ATRN: variants seen among roughly 807,000 people sequenced by gnomAD.
ATRN encodes attractin-2.
In ATRN, 54 loss-of-function variants were observed where a neutral mutation model predicts 178.7. The observed-to-expected ratio is 0.30, with a 90% CI of 0.24 to 0.38. The LOEUF (loss-of-function observed/expected upper bound fraction) is 0.38, where lower values mean the gene tolerates loss of function less well. ATRN is among the 10% of genes least tolerant of loss of function. ATRN has a pLI of 1.00. For missense variants in ATRN, 1,443 were observed against 1,815.1 expected (o/e 0.79, Z 3.73); for synonymous variants, 636 against 663.0 (o/e 0.96, Z 0.63).
chr20:3,571,709 G>A (rs949179337), intron 11 of ATRN, among the ~76,000 whole-genome samples: 10 of 151,974 alleles, frequency 6.6e-5, no homozygotes, highest in Admixed American at 2.6e-4. Context: ...CTGAAGCCCC[G>A]CTCTATGTTA....
At chr20:3,608,703 G>A (rs765680197) in intron 24 of ATRN, among the ~76,000 whole-genome samples, 7 of 152,050 alleles carry the variant, frequency 4.6e-5, no homozygotes, top group East Asian at 1.9e-4. Context: ...ACAGCAGCTC[G>A]TGCCTATAAT....
Position 3,516,716 on chromosome 20 carries a change from G to A in ATRN, c.411-18537G>A, listed in dbSNP as rs917559756. ...TTCTCTTGAGCCAGCCTGCTGCGGG[G>A]CCCTACAGAAAACTGTAGGATCTGG... On this transcript the variant is annotated intron_variant, in intron 1 of 28. Coordinates refer to ENST00000262919, the MANE Select transcript of ATRN (RefSeq NM_139321.3). 3.3e-5 allele frequency among the ~76,000 whole-genome samples: 5 copies of A among 152,204 alleles called. No homozygotes were observed. The East Asian group carries it at 5.8e-4, about 18-fold the overall frequency.
intron 1 of ATRN, among the ~76,000 whole-genome samples, chr20:3,515,964 G>T (rs1205074190): frequency 3.9e-5 from 6 of 152,172 alleles, no homozygotes; most frequent in African/African-American, 1.4e-4. Flanking sequence ...CTCCTCATTA[G>T]TTATTCTTTC....
intron 24 of ATRN, among the ~76,000 whole-genome samples, chr20:3,619,371 C>G (rs1355398609): frequency 6.6e-6 from 1 of 152,238 alleles, no homozygotes; most frequent in Non-Finnish European, 1.5e-5. Flanking sequence ...AAAGGAAACT[C>G]TGGTATTGAC....
At chr20:3,549,053 A>T in intron 5 of ATRN, 117 bp from the exon 6 acceptor site, 1 of 873,020 alleles carries the variant, frequency 1.1e-6, no homozygotes, top group Non-Finnish European at 1.7e-6. Context: ...TCTGATATTT[A>T]AATGCTAAAG....
chr20:3,565,613 A>G (rs926339641), intron 11 of ATRN, among the ~76,000 whole-genome samples, 181 bp downstream of exon 11: 17 of 152,098 alleles, frequency 1.1e-4, no homozygotes, highest in African/African-American at 3.9e-4. Context: ...TAAAAGTACA[A>G]AAATTAGCTG....
intron 24 of ATRN, among the ~76,000 whole-genome samples, chr20:3,613,538 G>C (rs114738714): frequency 2.8e-3 from 430 of 152,270 alleles, no homozygotes; most frequent in African/African-American, 9.8e-3. Context: ...TTTAGCAACT[G>C]TGCAAATTCA....
intron 24 of ATRN, among the ~76,000 whole-genome samples, chr20:3,618,604 T>C (rs1165780985): frequency 1.3e-5 from 2 of 152,114 alleles, no homozygotes; most frequent in Non-Finnish European, 2.9e-5. Context: ...AGAGCAGTAT[T>C]GAGGTGGGAG....
chr20:3,588,981 G>GTTTTTTTTT (rs386393128), intron 18 of ATRN, among the ~76,000 whole-genome samples: 26 of 99,792 alleles, frequency 2.6e-4, no homozygotes, highest in Non-Finnish European at 3.5e-4. Flanking sequence ...ATTTTCTTTT[G>GTTTTTTTTT]TTTTTTTTTT....
At chr20:3,591,400 T>TG in intron 19 of ATRN, 94 bp downstream of exon 19, 1 of 1,403,588 alleles carries the variant, frequency 7.1e-7, no homozygotes, top group East Asian at 2.4e-5. Context: ...AAAGCCACTT[T>TG]GTTTTGGATA....
At chr20:3,595,360 C>G (rs1216880362) in intron 20 of ATRN, among the ~76,000 whole-genome samples, 3 of 152,208 alleles carry the variant, frequency 2.0e-5, no homozygotes, top group Non-Finnish European at 4.4e-5. Flanking sequence ...AAACACTGAG[C>G]TGATTAATCA....
At chr20:3,594,443 C>T in intron 19 of ATRN, 36 bp from the exon 20 acceptor site, 1 of 1,534,168 alleles carries the variant, frequency 6.5e-7, no homozygotes, top group Non-Finnish European at 8.9e-7. Flanking sequence ...ATTTTTTAAG[C>T]CAGTTGTGAC....
chr20:3,578,798 G>C (rs1195360464), intron 15 of ATRN, 26 bp downstream of exon 15: 27 of 1,594,280 alleles, frequency 1.7e-5, no homozygotes, highest in Non-Finnish European at 2.1e-5. Context: ...CAAAACTTAA[G>C]TTTCTGGTTA....
At chr20:3,555,589 G>A (rs997984392) in intron 6 of ATRN, among the ~76,000 whole-genome samples, 2 of 152,084 alleles carry the variant, frequency 1.3e-5, no homozygotes, top group East Asian at 3.9e-4. Context: ...GAGAGTCTGG[G>A]TATTTTATTC....
intron 1 of ATRN, among the ~76,000 whole-genome samples, chr20:3,515,673 G>A (rs1028610001): frequency 6.6e-6 from 1 of 152,228 alleles, no homozygotes; most frequent in Non-Finnish European, 1.5e-5. Flanking sequence ...AAAGTGAGAA[G>A]AGAAGTAGAC....
chr20:3,571,861 C>T (rs988902580), intron 11 of ATRN, among the ~76,000 whole-genome samples: 1 of 151,930 alleles, frequency 6.6e-6, no homozygotes, highest in Admixed American at 6.6e-5. Flanking sequence ...CTTCTTTTCC[C>T]CTACCTTCTG....
Position 3,582,325 on chromosome 20 carries a change from C to G in ATRN, c.2735C>G (p.Pro912Arg). 1 of 1,612,238 alleles carries G rather than the reference C, an allele frequency of 6.2e-7. No individual in the cohort carries two copies. Residue 912 changes from proline to arginine, a missense_variant, in exon 16 of 29, where the codon CCA becomes CGA. Pro to Arg is a moderately radical substitution (Grantham distance 103). This residue lies in a region of ATRN where 212 missense variants were observed against 330.7 expected (regional missense o/e 0.64). Coordinates refer to ENST00000262919, the MANE Select transcript of ATRN (RefSeq NM_139321.3). ...CTGAAGGCTGCAACCTGCATCAACCCACTCAATGGTAGTGTCTGTGAAAGG... is the reference window on the plus strand; with the variant it reads ...CTGAAGGCTGCAACCTGCATCAACCGACTCAATGGTAGTGTCTGTGAAAGG... ...RGLKAATCIN[P>R]LNGSVCERPA...
At chr20:3,594,651 C>T (rs1425263681) in intron 20 of ATRN, 79 bp downstream of exon 20, 18 of 1,187,246 alleles carry the variant, frequency 1.5e-5, no homozygotes, top group Non-Finnish European at 1.2e-6. Flanking sequence ...GAGAGCCACC[C>T]ACTTCCCTGT....
chr20:3,601,708 A>C (rs2086610695), intron 23 of ATRN, among the ~76,000 whole-genome samples: 1 of 150,554 alleles, frequency 6.6e-6, no homozygotes, highest in Non-Finnish European at 1.5e-5. Context: ...AAAAAAAAAA[A>C]AAAAAAAAAC....
Sources: gnomAD v4.1 joint callset for allele counts (sites outside exome capture counted in the v4.1 genomes callset) on GRCh38, gnomAD v4.1.1 for gene constraint, gnomAD v4.1.1 regional missense constraint, MANE v1.5 for transcripts, NCBI Gene and HGNC (gene_info 2026-07-23, HGNC 2026-07-21) for gene names.